GATB: variants seen among roughly 807,000 people sequenced by gnomAD.
GATB encodes glutamyl-tRNA(Gln) amidotransferase subunit B, mitochondrial.
In GATB, 39 loss-of-function variants were observed where a neutral mutation model predicts 62.3. The ratio of observed to expected loss-of-function variants is 0.63; its 90% CI spans 0.48 to 0.82. The LOEUF is 0.82. Among genes scored for constraint, GATB ranks in the 40% least tolerant of loss-of-function variants. GATB has a pLI of 0.00. For synonymous variants in GATB, 276 were observed against 258.9 expected, an observed-to-expected ratio of 1.07 and a Z score of -0.63; for missense variants, 670 against 684.0, an observed-to-expected ratio of 0.98 and a Z score of 0.23.
chr4:151,679,438 TG>T (rs1395460682), intron 11 of GATB, among the ~76,000 whole-genome samples: 1 of 152,028 alleles, frequency 6.6e-6, no homozygotes, highest in African/African-American at 2.4e-5. Flanking sequence ...TGGGACTGGC[TG>T]GGAGGCGGTG....
rs1737899918 is a variant in GATB at position 151,672,716 on chromosome 4, T to C, written c.1545+46A>G. 4 of 1,594,070 alleles carry C rather than the reference T, an allele frequency of 2.5e-6. No individual in the cohort carries two copies. The Admixed American group carries it at 6.9e-5, about 27-fold the overall frequency. ...GGAGCGATGGCGAGGCTCTTGGGCA[T>C]GTCCTGGGGCTGGCTCTGGCCCTCT... On this transcript the variant is annotated intron_variant, in intron 12 of 12. Transcript: ENST00000263985.
intron 2 of GATB, among the ~76,000 whole-genome samples, chr4:151,733,134 A>G: frequency 6.6e-6 from 1 of 152,186 alleles, no homozygotes; most frequent in East Asian, 1.9e-4. Context: ...GAACTAAATG[A>G]AATTGAAACA....
chr4:151,673,813 G>A (rs528685433), intron 11 of GATB: 25 of 152,294 alleles, frequency 1.6e-4, no homozygotes, highest in African/African-American at 5.5e-4. Flanking sequence ...TGCCACCTCC[G>A]TCCAGTCCAC....
intron 6 of GATB, 47 bp downstream of exon 6, chr4:151,707,941 G>A (rs373244636): frequency 1.6e-4 from 208 of 1,277,554 alleles, no homozygotes; most frequent in Non-Finnish European, 2.3e-4. Context: ...CCCAGCAAGA[G>A]AGAAACAATA....
In GATB at chr4:151,738,615, T is replaced by C. The variant is rs1367513143; in HGVS notation, c.328-19077A>G. 2.6e-5 allele frequency among the ~76,000 whole-genome samples: 4 copies of C among 152,344 alleles called. No individual in the cohort carries two copies. In the East Asian group the frequency reaches 7.7e-4, roughly 29 times the overall value. On this transcript the variant is annotated intron_variant, in intron 2 of 12. Transcript: ENST00000263985. ...CACCAAATAAAATTTATGTGCTACT[T>C]GAGAGTCTATGAAGTGCTTTCACAT...
At chr4:151,758,600 C>G (rs1338955623) in intron 2 of GATB, among the ~76,000 whole-genome samples, 172 bp downstream of exon 2, 1 of 152,174 alleles carries the variant, frequency 6.6e-6, no homozygotes, top group Non-Finnish European at 1.5e-5. Flanking sequence ...TTAGAAACAG[C>G]ATCACAGAGA....
chr4:151,719,400 G>T, intron 3 of GATB, 25 bp downstream of exon 3: 1 of 1,525,046 alleles, frequency 6.6e-7, no homozygotes, highest in Non-Finnish European at 9.1e-7. Context: ...AACTTGCAGT[G>T]GGGTGGATCA....
intron 2 of GATB, among the ~76,000 whole-genome samples, chr4:151,758,373 C>T (rs79131390): frequency 0.011 from 1,608 of 152,246 alleles, 19 homozygotes; most frequent in East Asian, 0.074. Flanking sequence ...TTAGTTGTCC[C>T]TCCTCTGGGT....
chr4:151,723,997 G>A lies in GATB; in HGVS notation c.328-4459C>T, dbSNP rs151084943. ...TTGTCTGGCTTATTGTAAGACCTGA[G>A]TAGTGCTGCAATCATAATTGTTTGA... On this transcript the variant is annotated intron_variant, in intron 2 of 12. Coordinates refer to ENST00000263985, the MANE Select transcript of GATB (RefSeq NM_004564.3). 76 of 152,306 alleles carry A rather than the reference G, an allele frequency of 5.0e-4. 1 individual carries two copies. Among genetic ancestry groups the A allele is most frequent in the African/African-American group, 1.8e-3 (74 of 41,570 alleles). 9.4% of individuals were successfully genotyped at this position (152,306 alleles called of 1,614,324 possible).
chr4:151,751,495 G>A (rs1250725504), intron 2 of GATB, among the ~76,000 whole-genome samples: 1 of 152,126 alleles, frequency 6.6e-6, no homozygotes, highest in South Asian at 2.1e-4. Context: ...CTGAAAAGGA[G>A]AAAGAGGCCT....
intron 2 of GATB, among the ~76,000 whole-genome samples, chr4:151,747,084 G>C (rs924246190): frequency 6.6e-6 from 1 of 152,134 alleles, no homozygotes; most frequent in Admixed American, 6.5e-5. Flanking sequence ...GTTAGAATAA[G>C]TGAATACATA....
At chr4:151,718,830 A>G (rs182918792) in intron 3 of GATB, among the ~76,000 whole-genome samples, 126 of 152,352 alleles carry the variant, frequency 8.3e-4, no homozygotes, top group Admixed American at 1.4e-3. Context: ...GCTTAAAGAA[A>G]AAAACCTTTT....
intron 9 of GATB, 89 bp from the exon 10 acceptor site, chr4:151,688,852 T>C (rs1461518809): frequency 1.1e-5 from 15 of 1,310,612 alleles, no homozygotes; most frequent in Non-Finnish European, 1.6e-5. Flanking sequence ...CTGTCCCCTC[T>C]GCCTCCTCTG....
intron 2 of GATB, among the ~76,000 whole-genome samples, chr4:151,750,915 C>T (rs1016659674): frequency 4.0e-5 from 6 of 151,366 alleles, no homozygotes; most frequent in East Asian, 3.9e-4. Flanking sequence ...ATTACAGGCA[C>T]GAGCCACTGT....
chr4:151,694,381 A>G (rs1156693850), intron 9 of GATB, among the ~76,000 whole-genome samples: 2 of 152,176 alleles, frequency 1.3e-5, no homozygotes, highest in African/African-American at 2.4e-5. Context: ...AGCCCAGAGC[A>G]TCTTCCCCTC....
At chr4:151,726,208 A>G (rs1739134258) in intron 2 of GATB, among the ~76,000 whole-genome samples, 1 of 152,242 alleles carries the variant, frequency 6.6e-6, no homozygotes, top group African/African-American at 2.4e-5. Context: ...TCTTACTGCT[A>G]ACCATAAATT....
intron 2 of GATB, among the ~76,000 whole-genome samples, chr4:151,748,748 T>C (rs1739654868): frequency 1.3e-5 from 2 of 152,202 alleles, no homozygotes; most frequent in South Asian, 4.2e-4. Context: ...GGAGAAAATA[T>C]TTGCAATCTA....
chr4:151,708,214 A>T (rs1170503101), intron 5 of GATB, 113 bp from the exon 6 acceptor site: 9 of 708,484 alleles, frequency 1.3e-5, no homozygotes, highest in South Asian at 3.6e-5. Flanking sequence ...GTTTAGTTAT[A>T]GCAGCCTAAC....
chr4:151,671,163 T>C lies in GATB; in HGVS notation c.*11A>G. ...TGTTGTTGTCCCTTGGGCAAGGGGA[T>C]CCCAAACATCTCACAATGACAGCTT... On this transcript the variant is annotated 3_prime_UTR_variant, in exon 13 of 13. Transcript: ENST00000263985. 1.2e-6 allele frequency: 2 copies of C among 1,614,136 alleles called. No homozygotes were observed. The highest frequency in any genetic ancestry group is 1.1e-5 in the South Asian group (1 of 91,078).
Sources: allele counts gnomAD v4.1 joint callset (sites outside exome capture counted in the v4.1 genomes callset), GRCh38; gene constraint gnomAD v4.1.1; transcripts MANE v1.5; gene names NCBI Gene and HGNC (gene_info 2026-07-23, HGNC 2026-07-21).